Variants in PCDH15 observed in about 807,000 individuals in gnomAD.
PCDH15 encodes the protein protocadherin related 15.
A neutral mutation model predicts 178.5 loss-of-function variants in PCDH15; 129 were observed. The observed-to-expected ratio is 0.72, with a 90% CI of 0.63 to 0.84. The LOEUF is 0.84. PCDH15 is among the 40% of genes least tolerant of loss of function. The probability of loss-of-function intolerance (pLI) is 0.00; values close to 1 mark genes in which losing one functional copy is unlikely to be tolerated. For missense variants in PCDH15, 2,230 were observed against 2,099.9 expected (o/e 1.06, Z -1.21); for synonymous variants, 800 against 732.0 (o/e 1.09, Z -1.50).
At chr10:55,550,865 C>A (rs1001398517) in intron 2 of PCDH15, among the ~76,000 whole-genome samples, 1 of 152,074 alleles carries the variant, frequency 6.6e-6, no homozygotes, top group Admixed American at 6.6e-5. Flanking sequence ...AAAATATATA[C>A]CTTGATGTCC....
chr10:55,554,822 A>G (rs940866841), intron 2 of PCDH15, among the ~76,000 whole-genome samples: 3 of 152,062 alleles, frequency 2.0e-5, no homozygotes, highest in Non-Finnish European at 4.4e-5. Context: ...CATCCAAAAT[A>G]CCACTTAAAA....
chr10:55,091,120 C>A (rs191598621), intron 2 of PCDH15, among the ~76,000 whole-genome samples: 164 of 151,938 alleles, frequency 1.1e-3, no homozygotes, highest in African/African-American at 4.0e-3. Context: ...TAAATCCTTG[C>A]AGATCAAATT....
At chr10:54,543,144 C>T (rs2085451461) in intron 2 of PCDH15, among the ~76,000 whole-genome samples, 1 of 152,170 alleles carries the variant, frequency 6.6e-6, no homozygotes, top group Non-Finnish European at 1.5e-5. Flanking sequence ...AAGGGAAAAC[C>T]ATCTCCCTTC....
intron 12 of PCDH15, among the ~76,000 whole-genome samples, chr10:54,184,388 T>C (rs549478742): frequency 6.6e-6 from 1 of 152,142 alleles, no homozygotes; most frequent in East Asian, 1.9e-4. Context: ...GAAGTTACAT[T>C]TTTTCTTTAT....
intron 3 of PCDH15, among the ~76,000 whole-genome samples, chr10:54,431,363 T>C (rs1182419210): frequency 6.6e-6 from 1 of 152,040 alleles, no homozygotes; most frequent in Non-Finnish European, 1.5e-5. Flanking sequence ...TTCAACAAAA[T>C]ACTAGCTAAC....
At chr10:54,774,188 C>T (rs1235225008) in intron 1 of PCDH15, among the ~76,000 whole-genome samples, 1 of 151,876 alleles carries the variant, frequency 6.6e-6, no homozygotes, top group Non-Finnish European at 1.5e-5. Flanking sequence ...GCCACCACAC[C>T]CAGCTAATTT....
intron 3 of PCDH15, among the ~76,000 whole-genome samples, chr10:54,462,818 C>T (rs1389420013): frequency 6.6e-6 from 1 of 150,548 alleles, no homozygotes; most frequent in Non-Finnish European, 1.5e-5. Context: ...GTGTGAGCCA[C>T]CTCGCCTGGA....
chr10:54,687,390 A>C (rs1424423181), intron 1 of PCDH15, among the ~76,000 whole-genome samples: 1 of 152,182 alleles, frequency 6.6e-6, no homozygotes, highest in Admixed American at 6.6e-5. Context: ...TATTTACAAT[A>C]TCCAAGATGT....
chr10:55,420,406 G>T lies in PCDH15; in HGVS notation c.-156+207219C>A, dbSNP rs1268057740. Among the ~76,000 whole-genome samples, 5 of 151,656 alleles carry T rather than the reference G, an allele frequency of 3.3e-5. No homozygotes were observed. In the East Asian group the frequency reaches 9.7e-4, roughly 30 times the overall value. On this transcript the variant is annotated intron_variant, in intron 2 of 5. Transcript: ENST00000613346. ...TTCCCTAGGAGGTTGGCAAGAATGA[G>T]AACTCTCAGTAAGCTGAATTTAGGG...
chr10:55,396,610 G>C (rs924857256), intron 2 of PCDH15, among the ~76,000 whole-genome samples: 4 of 152,036 alleles, frequency 2.6e-5, no homozygotes, highest in African/African-American at 9.7e-5. Context: ...GGCAAACAAA[G>C]AAAACTTTGA....
intron 1 of PCDH15, among the ~76,000 whole-genome samples, chr10:55,294,473 T>A (rs1024384071): frequency 5.3e-5 from 8 of 152,220 alleles, no homozygotes; most frequent in African/African-American, 1.9e-4. Context: ...GGAGATGTTC[T>A]GAAGTAAATG....
intron 8 of PCDH15, among the ~76,000 whole-genome samples, chr10:54,238,001 A>T (rs1436600458): frequency 6.6e-6 from 1 of 152,164 alleles, no homozygotes; most frequent in African/African-American, 2.4e-5. Context: ...TTTAGAACAC[A>T]GTTTGGGAAA....
chr10:54,816,669 G>C (rs1952954578), intron 3 of PCDH15, among the ~76,000 whole-genome samples: 1 of 152,054 alleles, frequency 6.6e-6, no homozygotes, highest in Non-Finnish European at 1.5e-5. Flanking sequence ...CAAAATTAAT[G>C]TTAAATAAAT....
intron 13 of PCDH15, among the ~76,000 whole-genome samples, chr10:54,176,949 G>A (rs1351745658): frequency 8.1e-6 from 1 of 123,226 alleles, no homozygotes; most frequent in Non-Finnish European, 1.7e-5. Context: ...GAAAATTTAT[G>A]TCCATGTAAA....
At chr10:53,814,496 C>T (rs941637986) in intron 35 of PCDH15, among the ~76,000 whole-genome samples, 4 of 152,046 alleles carry the variant, frequency 2.6e-5, no homozygotes, top group Non-Finnish European at 5.9e-5. Context: ...AGAAGGGATG[C>T]GGATAGGAAC....
At chr10:54,457,644 C>G (rs2076914688) in intron 3 of PCDH15, among the ~76,000 whole-genome samples, 1 of 151,952 alleles carries the variant, frequency 6.6e-6, no homozygotes, top group African/African-American at 2.4e-5. Context: ...TGGGAAAATT[C>G]TAGGCATAAA....
At chr10:55,601,565 GTGGAT>G (rs1843079084) in intron 2 of PCDH15, among the ~76,000 whole-genome samples, 1 of 152,078 alleles carries the variant, frequency 6.6e-6, no homozygotes, top group African/African-American at 2.4e-5. Context: ...TGTTAATTAG[GTGGAT>G]TGAAATAATG....
intron 2 of PCDH15, among the ~76,000 whole-genome samples, chr10:54,961,742 G>A (rs1032923728): frequency 6.6e-6 from 1 of 152,160 alleles, no homozygotes; most frequent in East Asian, 1.9e-4. Flanking sequence ...GGGATGACCT[G>A]CCTGCAGAAA....
At chr10:53,859,632 CT>C (rs1471834128) in intron 27 of PCDH15, among the ~76,000 whole-genome samples, 1 of 151,922 alleles carries the variant, frequency 6.6e-6, no homozygotes, top group Non-Finnish European at 1.5e-5. Context: ...ATTAAACTGT[CT>C]TCAAATTATC....
Sources: gnomAD v4.1 joint callset for allele counts (sites outside exome capture counted in the v4.1 genomes callset) on GRCh38, gnomAD v4.1.1 for gene constraint, MANE v1.5 for transcripts, NCBI Gene and HGNC (gene_info 2026-07-23, HGNC 2026-07-21) for gene names.